PDE3A: variants seen among roughly 807,000 people sequenced by gnomAD.
The protein encoded by PDE3A is cGMP-inhibited 3',5'-cyclic phosphodiesterase 3A.
In PDE3A, 43 loss-of-function variants were observed where a neutral mutation model predicts 98.3. The ratio of observed to expected loss-of-function variants is 0.44; its 90% CI spans 0.34 to 0.56. The LOEUF (loss-of-function observed/expected upper bound fraction) is 0.56, where lower values mean the gene tolerates loss of function less well. Ranked by LOEUF, PDE3A falls within the 20% of genes least tolerant of loss-of-function variation. The pLI is 0.01. For synonymous variants in PDE3A, 663 were observed against 567.9 expected, an observed-to-expected ratio of 1.17 and a Z score of -2.38; for missense variants, 1,427 against 1,440.7, an observed-to-expected ratio of 0.99 and a Z score of 0.15.
chr12:20,541,995 G>A (rs1941924992), intron 1 of PDE3A, among the ~76,000 whole-genome samples: 1 of 152,064 alleles, frequency 6.6e-6, no homozygotes, highest in Non-Finnish European at 1.5e-5. Flanking sequence ...ATCGGCTTTA[G>A]AGGACAAATA....
chr12:20,385,997 TATATATATAAATATATATA>T (rs1943755721), intron 1 of PDE3A, among the ~76,000 whole-genome samples: 1 of 102,936 alleles, frequency 9.7e-6, no homozygotes, highest in Admixed American at 1.5e-4. Context: ...ATATATAAAA[TATATATATAAATATATATA>T]AAATATATAT....
In PDE3A at chr12:20,670,592, A is replaced by G. The variant is rs557638377; in HGVS notation, c.3185-9438A>G. Reference sequence around the variant, plus strand: ...TGGAAACTGAACAACCTGCTCCTGAATGACTACTGGGTACATAACGAAATG... The same window carrying G: ...TGGAAACTGAACAACCTGCTCCTGAGTGACTACTGGGTACATAACGAAATG... On this transcript the variant is annotated intron_variant, in intron 15 of 15. Coordinates refer to ENST00000359062, the MANE Select transcript of PDE3A (RefSeq NM_000921.5). 3.4e-4 allele frequency among the ~76,000 whole-genome samples: 51 copies of G among 152,140 alleles called. No homozygotes were observed. In the East Asian group the frequency reaches 9.5e-3, roughly 28 times the overall value.
chr12:20,644,766 G>A (rs1444467717), intron 10 of PDE3A, among the ~76,000 whole-genome samples: 1 of 151,504 alleles, frequency 6.6e-6, no homozygotes, highest in African/African-American at 2.4e-5. Context: ...GATTGACACA[G>A]GTATACAAGT....
chr12:20,541,795 T>C (rs1376792521), intron 1 of PDE3A, among the ~76,000 whole-genome samples: 1 of 152,080 alleles, frequency 6.6e-6, no homozygotes, highest in Non-Finnish European at 1.5e-5. Context: ...ATCAAATGGG[T>C]CATGGACCCG....
chr12:20,615,016 CTTTTTTTTTTTTT>C (rs11313010), intron 3 of PDE3A, among the ~76,000 whole-genome samples: 2 of 59,128 alleles, frequency 3.4e-5, no homozygotes, highest in Non-Finnish European at 6.2e-5. Flanking sequence ...TTCTCTCTTT[CTTTTTTTTTTTTT>C]TTTTTTTTTT....
At chr12:20,493,914 G>A (rs1945871710) in intron 1 of PDE3A, among the ~76,000 whole-genome samples, 1 of 152,240 alleles carries the variant, frequency 6.6e-6, no homozygotes, top group Admixed American at 6.5e-5. Flanking sequence ...ACAGGCGTGA[G>A]CCAGCACGCC....
chr12:20,641,465 TATAA>T (rs1944646027), intron 10 of PDE3A, among the ~76,000 whole-genome samples: 1 of 152,060 alleles, frequency 6.6e-6, no homozygotes, highest in Non-Finnish European at 1.5e-5. Context: ...CAAGGAGTTA[TATAA>T]ATAAACTTTT....
intron 15 of PDE3A, among the ~76,000 whole-genome samples, chr12:20,658,394 T>A (rs2121521729): frequency 6.6e-6 from 1 of 152,256 alleles, no homozygotes; most frequent in South Asian, 2.1e-4. Context: ...AAAAAAAAAA[T>A]TCTACCTAAT....
chr12:20,543,176 ACTC>A (rs1941964137), intron 1 of PDE3A, among the ~76,000 whole-genome samples: 2 of 151,768 alleles, frequency 1.3e-5, no homozygotes, highest in Non-Finnish European at 2.9e-5. Flanking sequence ...TGTTTTGTCT[ACTC>A]AGAACCTAAA....
At position 20,556,724 on chromosome 12, in the gene PDE3A, C is replaced by A; in HGVS notation, c.1011+14C>A. 1 of 1,598,178 alleles carries A rather than the reference C, an allele frequency of 6.3e-7. No homozygotes were observed. The highest frequency in any genetic ancestry group is 8.6e-7 in the Non-Finnish European group (1 of 1,165,818). ...AGAGGATCACAGGTAAGTTTCTTTT[C>A]CTTTTCTTTTTCACGTTTCGTTTCG... On this transcript the variant is annotated intron_variant, in intron 2 of 15. Coordinates refer to ENST00000359062, the MANE Select transcript of PDE3A (RefSeq NM_000921.5).
At chr12:20,465,985 G>C (rs1481822945) in intron 1 of PDE3A, among the ~76,000 whole-genome samples, 2 of 152,178 alleles carry the variant, frequency 1.3e-5, no homozygotes, top group Non-Finnish European at 2.9e-5. Context: ...AAGTGGTGCA[G>C]AGCCCGTTGC....
intron 14 of PDE3A, among the ~76,000 whole-genome samples, chr12:20,653,639 C>T (rs1944971449): frequency 1.3e-5 from 2 of 152,274 alleles, no homozygotes; most frequent in Middle Eastern, 3.4e-3. Context: ...AGCCACCACG[C>T]CCAGCCTCAC....
At chr12:20,576,577 A>G (rs1038201640) in intron 2 of PDE3A, among the ~76,000 whole-genome samples, 2 of 152,146 alleles carry the variant, frequency 1.3e-5, no homozygotes, top group Admixed American at 1.3e-4. Context: ...ACATGATGTG[A>G]AAGGACTATA....
At chr12:20,565,646 A>C (rs1423528836) in intron 2 of PDE3A, among the ~76,000 whole-genome samples, 1 of 151,904 alleles carries the variant, frequency 6.6e-6, no homozygotes, top group Non-Finnish European at 1.5e-5. Flanking sequence ...GAAAACGGGA[A>C]ATGTTGATCT....
intron 15 of PDE3A, among the ~76,000 whole-genome samples, chr12:20,678,735 A>G (rs1169170312): frequency 1.3e-5 from 2 of 152,166 alleles, no homozygotes; most frequent in African/African-American, 4.8e-5. Flanking sequence ...CACCTCGCAA[A>G]CCGACATTCA....
At chr12:20,407,058 G>C (rs1289661559) in intron 1 of PDE3A, among the ~76,000 whole-genome samples, 1 of 152,140 alleles carries the variant, frequency 6.6e-6, no homozygotes, top group Non-Finnish European at 1.5e-5. Context: ...CTATGTGATA[G>C]ACATCCTGTC....
rs955167665 is a variant in PDE3A at position 20,369,662 on chromosome 12, C to G, written c.378C>G (p.Leu126=). The G allele has an allele frequency of 6.2e-7, 1 of 1,605,370 alleles. No homozygotes were observed. The highest frequency in any genetic ancestry group is 1.7e-5 in the Admixed American group (1 of 59,050). Residue 126 remains leucine (L), a synonymous_variant, in exon 1 of 16, where the codon CTC becomes CTG. Coordinates refer to ENST00000359062, the MANE Select transcript of PDE3A (RefSeq NM_000921.5). The stretch of plus-strand genomic sequence containing the variant: ...GTGCTCCCGGGGGCGGTGCGCGGCT[C>G]AGCCCCTGGCTGCAGCCCTCGGCGC... ...RGGAPGGGAR[L]SPWLQPSALL... is the part of the protein sequence containing the mutation.
chr12:20,583,094 G>A (rs1943108990), intron 2 of PDE3A, among the ~76,000 whole-genome samples: 1 of 151,952 alleles, frequency 6.6e-6, no homozygotes, highest in African/African-American at 2.4e-5. Flanking sequence ...CCAGAAACCT[G>A]GTTAGCTGGT....
chr12:20,582,412 T>G (rs1313657602), intron 2 of PDE3A, among the ~76,000 whole-genome samples: 4 of 152,088 alleles, frequency 2.6e-5, no homozygotes, highest in African/African-American at 4.8e-5. Context: ...CAGGCTGGCC[T>G]CGAACTCCTG....
Sources: allele counts gnomAD v4.1 joint callset (sites outside exome capture counted in the v4.1 genomes callset), GRCh38; gene constraint gnomAD v4.1.1; transcripts MANE v1.5; gene names NCBI Gene and HGNC (gene_info 2026-07-23, HGNC 2026-07-21).